Variants in KAZN observed in about 807,000 individuals in gnomAD.
KAZN encodes the protein kazrin, periplakin interacting protein.
Under a neutral mutation model 87.4 loss-of-function variants are expected in KAZN, and 40 were observed. The observed-to-expected ratio is 0.46, with a 90% confidence interval of 0.36 to 0.60. The LOEUF (loss-of-function observed/expected upper bound fraction) is 0.60. Ranked by LOEUF, KAZN falls within the 20% of genes least tolerant of loss-of-function variation. The pLI, the probability that KAZN is intolerant of heterozygous loss-of-function variation, is 0.00. For synonymous variants in KAZN, 466 were observed against 458.3 expected (o/e 1.02, Z -0.22); for missense variants, 898 against 1,073.9 (o/e 0.84, Z 2.29).
intron 1 of KAZN, among the ~76,000 whole-genome samples, chr1:14,632,985 C>T (rs1046431747): frequency 2.0e-5 from 3 of 152,000 alleles, no homozygotes; most frequent in Non-Finnish European, 2.9e-5. Context: ...GGCGCCATCT[C>T]GGCTCACTGC....
intron 2 of KAZN, among the ~76,000 whole-genome samples, chr1:14,212,539 C>A (rs1646875168): frequency 6.6e-6 from 1 of 151,090 alleles, no homozygotes. Context: ...TAATTAAGAC[C>A]TAAATCATGA....
chr1:14,336,584 A>C (rs573708148), intron 2 of KAZN, among the ~76,000 whole-genome samples: 1 of 152,322 alleles, frequency 6.6e-6, no homozygotes, highest in Non-Finnish European at 1.5e-5. Context: ...CCAGCAATGC[A>C]CAAAGGTTCC....
chr1:14,429,113 C>T (rs931538888), intron 2 of KAZN, among the ~76,000 whole-genome samples: 5 of 152,076 alleles, frequency 3.3e-5, no homozygotes, highest in East Asian at 3.9e-4. Context: ...AAGGAGGGAC[C>T]GTGTCATATA....
At chr1:14,360,919 G>A (rs902399800) in intron 2 of KAZN, among the ~76,000 whole-genome samples, 1 of 152,218 alleles carries the variant, frequency 6.6e-6, no homozygotes, top group African/African-American at 2.4e-5. Flanking sequence ...ACGGGGGTCA[G>A]GGACCCACTT....
At chr1:13,993,346 G>A (rs1202811912) in intron 1 of KAZN, among the ~76,000 whole-genome samples, 1 of 152,042 alleles carries the variant, frequency 6.6e-6, no homozygotes, top group Non-Finnish European at 1.5e-5. Flanking sequence ...AGTTAAAGGA[G>A]TTTACCAGGT....
chr1:14,094,947 C>T (rs1036003377), intron 1 of KAZN, among the ~76,000 whole-genome samples: 2 of 152,116 alleles, frequency 1.3e-5, no homozygotes, highest in African/African-American at 2.4e-5. Flanking sequence ...ATTTGGGGGC[C>T]GCAATGTTCA....
intron 2 of KAZN, among the ~76,000 whole-genome samples, chr1:14,407,804 G>A (rs1039904877): frequency 2.0e-5 from 3 of 152,200 alleles, no homozygotes; most frequent in Admixed American, 2.0e-4. Context: ...GATTACTGAG[G>A]CTTATGGTAG....
At chr1:15,112,140 T>C in intron 13 of KAZN, 1 of 471,946 alleles carries the variant, frequency 2.1e-6, no homozygotes, top group Non-Finnish European at 3.9e-6. Flanking sequence ...CAGATCTTGA[T>C]TCTGCCGCTA....
At chr1:14,501,040 C>A (rs1053864294) in intron 2 of KAZN, among the ~76,000 whole-genome samples, 27 of 150,712 alleles carry the variant, frequency 1.8e-4, no homozygotes, top group African/African-American at 6.3e-4. Context: ...AATACCAATT[C>A]TTCACAGACT....
chr1:14,069,975 C>T (rs573122632), intron 1 of KAZN, among the ~76,000 whole-genome samples: 21 of 152,018 alleles, frequency 1.4e-4, no homozygotes, highest in Middle Eastern at 6.8e-3. Context: ...TTGAGACCAT[C>T]TTGACCAACA....
intron 1 of KAZN, among the ~76,000 whole-genome samples, chr1:14,787,988 C>T (rs573682885): frequency 6.6e-6 from 1 of 152,316 alleles, no homozygotes; most frequent in African/African-American, 2.4e-5. Context: ...CGGTGAGAGC[C>T]GCTGCACAGG....
chr1:14,674,444 C>T (rs1640096821), intron 1 of KAZN, among the ~76,000 whole-genome samples: 1 of 152,230 alleles, frequency 6.6e-6, no homozygotes, highest in African/African-American at 2.4e-5. Flanking sequence ...GCACTTTCTA[C>T]ATGCCAGATG....
chr1:13,920,281 A>G lies in KAZN; in HGVS notation c.91+26525A>G, dbSNP rs1640015258. Among the ~76,000 whole-genome samples the G allele has an allele frequency of 2.7e-5, 4 of 148,250 alleles. No homozygotes were observed. The South Asian group carries it at 6.4e-4, about 24-fold the overall frequency. Reference sequence around the variant, plus strand: ...AAAAAAAAGGTTATTTTTCTGTCCCATGTTCTGAAGTGCTCTTTTTGCCAT... The same window carrying G: ...AAAAAAAAGGTTATTTTTCTGTCCCGTGTTCTGAAGTGCTCTTTTTGCCAT... On this transcript the variant is annotated intron_variant, in intron 1 of 16. Coordinates refer to the KAZN transcript ENST00000636203.
At chr1:14,737,951 C>T (rs1325588660) in intron 1 of KAZN, among the ~76,000 whole-genome samples, 1 of 152,114 alleles carries the variant, frequency 6.6e-6, no homozygotes, top group Admixed American at 6.5e-5. Context: ...TCAAAGTCAA[C>T]AGTGGTAATG....
rs909346995 is a variant in KAZN, at chr1:15,116,101, G to A, written c.*1466G>A. 5 of 152,202 alleles carry A rather than the reference G, an allele frequency of 3.3e-5. No homozygotes were observed. The highest frequency in any genetic ancestry group is 5.9e-5 in the Non-Finnish European group (4 of 68,052). The allele number at this position is 152,202 out of a possible 1,614,324, so 9.4% of individuals were successfully genotyped here. On this transcript the variant is annotated 3_prime_UTR_variant, in exon 15 of 15. Coordinates refer to ENST00000376030, the MANE Select transcript of KAZN (RefSeq NM_201628.3). ...AGTTCATTGACCAGATGACAGCCAC[G>A]TGATGATTAGGGAAGGACGGATGCA...
chr1:15,069,200 A>G (rs1159321228), intron 8 of KAZN, among the ~76,000 whole-genome samples: 1 of 152,008 alleles, frequency 6.6e-6, no homozygotes, highest in Non-Finnish European at 1.5e-5. Flanking sequence ...TGCAGACATC[A>G]CCAATCAATT....
chr1:14,635,098 G>A (rs1280148765), intron 1 of KAZN, among the ~76,000 whole-genome samples: 1 of 152,226 alleles, frequency 6.6e-6, no homozygotes, highest in Non-Finnish European at 1.5e-5. Context: ...TAGGTTGAAT[G>A]CCAAGTTGTT....
intron 1 of KAZN, among the ~76,000 whole-genome samples, chr1:14,834,123 C>T (rs1647143722): frequency 6.6e-6 from 1 of 151,968 alleles, no homozygotes; most frequent in African/African-American, 2.4e-5. Context: ...GCAACCTCTG[C>T]CTCCTGGGTT....
At chr1:13,915,246 C>T (rs1639803848) in intron 1 of KAZN, among the ~76,000 whole-genome samples, 1 of 152,176 alleles carries the variant, frequency 6.6e-6, no homozygotes, top group Non-Finnish European at 1.5e-5. Context: ...AAAATCTTAG[C>T]AACCCTTTGG....
Sources: allele counts gnomAD v4.1 joint callset (sites outside exome capture counted in the v4.1 genomes callset), GRCh38; gene constraint gnomAD v4.1.1; transcripts MANE v1.5; gene names NCBI Gene and HGNC (gene_info 2026-07-23, HGNC 2026-07-21).